The following CAMTA2 variants were observed in gnomAD, a reference collection of about 807,000 sequenced individuals.
CAMTA2 encodes the protein calmodulin-binding transcription activator 2.
A neutral mutation model predicts 135.7 loss-of-function variants in CAMTA2; 56 were observed. The observed-to-expected ratio is 0.41, with a 90% CI of 0.33 to 0.52. The LOEUF is 0.52. CAMTA2 is among the 20% of genes least tolerant of loss of function. CAMTA2 has a pLI of 0.16. For synonymous variants in CAMTA2, 591 were observed against 604.6 expected, an observed-to-expected ratio of 0.98 and a Z score of 0.33; for missense variants, 1,358 against 1,553.4, an observed-to-expected ratio of 0.87 and a Z score of 2.11.
intron 14 of CAMTA2, 42 bp from the exon 15 acceptor site, chr17:4,973,033 G>A (rs766938815): frequency 1.3e-6 from 2 of 1,549,662 alleles, no homozygotes; most frequent in African/African-American, 1.4e-5. Flanking sequence ...AGGTGGAGGT[G>A]AGGCCAGGGG....
chr17:4,972,875 G>A lies in CAMTA2; in HGVS notation c.2397C>T (p.Ser799=). 6.2e-7 allele frequency: 1 copy of A among 1,613,880 alleles called. No homozygotes were observed. Among genetic ancestry groups the A allele is most frequent in the Middle Eastern group, 1.6e-4 (1 of 6,062 alleles). ...AGCGGGCAAGGCGCACATGACCCCG[G>A]GAATGAGCCACAGACAATGGCAGAC... ...LGRLPLSVAH[S]RGHVRLARCL... Residue 799 remains serine (S), a synonymous_variant, in exon 15 of 23, where the codon TCC becomes TCT. Transcript: ENST00000348066.
rs747695617 is a variant in CAMTA2 at position 4,979,720 on chromosome 17, G to A, written c.1602C>T (p.Thr534=). ...PTPQLSPALS[T]ITDFSPEWSY... ...ACCACTCTGGGGAGAAGTCTGTGAT[G>A]GTGCTAAGAGCAGGAGACAGCTGGG... The change falls in exon 9 of 23, where the codon ACC becomes ACT. Residue 534 remains threonine (T), a synonymous_variant. Coordinates refer to ENST00000348066, the MANE Select transcript of CAMTA2 (RefSeq NM_015099.4). The A allele has an allele frequency of 3.8e-5, 61 of 1,613,860 alleles. No individual in the cohort carries two copies. The highest frequency in any genetic ancestry group is 5.1e-5 in the Non-Finnish European group (60 of 1,179,920).
intron 15 of CAMTA2, 96 bp from the exon 16 acceptor site, chr17:4,972,632 G>A (rs1046120504): frequency 2.7e-6 from 4 of 1,466,318 alleles, no homozygotes; most frequent in Non-Finnish European, 3.8e-6. Context: ...GTCCCCGTCT[G>A]TTCTTGCTTC....
rs753793527 is a variant in CAMTA2, at chr17:4,981,273, T to G, written c.652A>C (p.Thr218Pro). 35 of 1,613,896 alleles carry G rather than the reference T, an allele frequency of 2.2e-5. No individual in the cohort carries two copies. In the African/African-American group the frequency reaches 3.1e-4, roughly 14 times the overall value. Residue 218 changes from threonine (T) to proline (P), a missense_variant, in exon 8 of 23, where the codon ACC (threonine) becomes CCC (proline). By Grantham distance (38) the Thr-to-Pro change is conservative. Transcript: ENST00000348066. Reference sequence around the variant, plus strand: ...GCGTGGGTTCGGGGAGCAGGCTTGGTTGGGTGGGTGTCCAAAATCTGCTGC... The same window carrying G: ...GCGTGGGTTCGGGGAGCAGGCTTGGGTGGGTGGGTGTCCAAAATCTGCTGC... The part of the protein sequence containing the change: ...LVQQILDTHP[T>P]KPAPRTHACL...
Position 4,970,478 on chromosome 17 carries a change from C to G in CAMTA2, c.2867G>C (p.Arg956Pro). The G allele has an allele frequency of 6.2e-7, 1 of 1,614,106 alleles. No individual in the cohort carries two copies. The highest frequency in any genetic ancestry group is 8.5e-7 in the Non-Finnish European group (1 of 1,180,048). Residue 956 changes from arginine (R) to proline (P), a missense_variant, in exon 17 of 23, where the codon CGA becomes CCA. By Grantham distance (103) the Arg-to-Pro change is moderately radical. This residue lies in a region of CAMTA2 where 1,077 missense variants were observed against 1,127.5 expected (regional missense o/e 0.96). Transcript: ENST00000348066. ...IIEATPERIK[R>P]EDFVGLPEAG... Reference sequence around the variant, plus strand: ...CTCGGGCAGCCCCACGAAGTCCTCTCGTTTAATCCGCTCCGGTGTGGCTTC... The same window carrying G: ...CTCGGGCAGCCCCACGAAGTCCTCTGGTTTAATCCGCTCCGGTGTGGCTTC...
rs1280117030 is a variant in CAMTA2 at position 4,970,775 on chromosome 17, C to G, written c.2809-239G>C. Among the ~76,000 whole-genome samples the G allele has an allele frequency of 7.2e-5, 11 of 152,344 alleles. No homozygotes were observed. The South Asian group carries it at 1.9e-3, about 26-fold the overall frequency. ...AGATACTCCAAGTGGGGATTCAAAG[C>G]TGAACAAATGGAGGACTTGACACCC... is the stretch of plus-strand genomic sequence containing the variant. On this transcript the variant is annotated intron_variant, in intron 16 of 22. Coordinates refer to ENST00000348066, the MANE Select transcript of CAMTA2 (RefSeq NM_015099.4).
rs1443793362 is a variant in CAMTA2 at position 4,969,872 on chromosome 17, G to A, written c.3189+30C>T. On this transcript the variant is annotated intron_variant, in intron 18 of 22. Transcript: ENST00000348066. The surrounding 1 kb of genome is among the most constrained non-coding windows in gnomAD (Gnocchi z 5.6). ...CCAGTCTCCCCTGACTGGAGATTGT[G>A]TAATTCATCCTGAGACCCCTGCCCC... The A allele has an allele frequency of 3.7e-6, 6 of 1,611,444 alleles. No homozygotes were observed. Among genetic ancestry groups the A allele is most frequent in the Non-Finnish European group, 3.4e-6 (4 of 1,178,048 alleles).
Position 4,968,529 on chromosome 17 carries a change from G to A in CAMTA2, c.*227C>T, listed in dbSNP as rs1202327658. 5.0e-6 allele frequency: 3 copies of A among 594,740 alleles called. No homozygotes were observed. Among genetic ancestry groups the A allele is most frequent in the Non-Finnish European group, 9.0e-6 (3 of 332,284 alleles). 36.8% of individuals were successfully genotyped at this position (594,740 alleles called of 1,614,324 possible). A position where few individuals can be genotyped will look rare whatever the true frequency, so the allele number is the denominator to read the frequency against. Reference sequence around the variant, plus strand: ...CACAGCGGAAGATGCAGGTATGTGGGGCGCGGGTTTTCTGGAGCCAGGACC... The same window carrying A: ...CACAGCGGAAGATGCAGGTATGTGGAGCGCGGGTTTTCTGGAGCCAGGACC... On this transcript the variant is annotated 3_prime_UTR_variant, in exon 23 of 23. Coordinates refer to ENST00000348066, the MANE Select transcript of CAMTA2 (RefSeq NM_015099.4).
chr17:4,969,531 G>C lies in CAMTA2; in HGVS notation c.3262-11C>G, dbSNP rs1427217503. ...TGCAATCCAGGTCAGCTTGTGGAGA[G>C]AGAAGGGGAGTTAGGGCTCTGGCAA... On this transcript the variant is annotated splice_polypyrimidine_tract_variant and intron_variant, in intron 19 of 22. Coordinates refer to ENST00000348066, the MANE Select transcript of CAMTA2 (RefSeq NM_015099.4). The surrounding 1 kb of genome is among the most constrained non-coding windows in gnomAD (Gnocchi z 5.6). 2.5e-6 allele frequency: 4 copies of C among 1,614,078 alleles called. No homozygotes were observed. The highest frequency in any genetic ancestry group is 1.1e-5 in the South Asian group (1 of 91,088).
Position 4,973,704 on chromosome 17 carries a change from G to A in CAMTA2, c.2082C>T (p.Arg694=), listed in dbSNP as rs1225353144. The A allele has an allele frequency of 1.2e-6, 2 of 1,614,092 alleles. No individual in the cohort carries two copies. Among genetic ancestry groups the A allele is most frequent in the Non-Finnish European group, 1.7e-6 (2 of 1,180,026 alleles). The change falls in exon 13 of 23, where the codon CGC becomes CGT. Residue 694 remains arginine (R), a synonymous_variant. Coordinates refer to ENST00000348066, the MANE Select transcript of CAMTA2 (RefSeq NM_015099.4). ...VVVLVESMIP[R]STWKGPERLA... is the part of the protein sequence containing the mutation. Reference sequence around the variant, plus strand: ...GACGTTCAGGACCCTTCCAGGTGGAGCGTGGGATCATGCTTTCTACCAAGA... The same window carrying A: ...GACGTTCAGGACCCTTCCAGGTGGAACGTGGGATCATGCTTTCTACCAAGA...
In CAMTA2 at chr17:4,972,787, A is replaced by G. The variant is rs1597734192; in HGVS notation, c.2485T>C (p.Ser829Pro). ...VEPPFALSPPSSSPDTGLSSV... is the reference protein window; with the variant it reads ...VEPPFALSPPPSSPDTGLSSV... ...CCCTCACCAGTGTCTGGGCTGGAGG[A>G]GGGTGGCGATAGGGCAAATGGGGGC... Residue 829 changes from serine (S) to proline (P), a missense_variant, in exon 15 of 23, where the codon TCC becomes CCC. By Grantham distance (74) the Ser-to-Pro change is moderately conservative. This residue lies in a region of CAMTA2 where 1,077 missense variants were observed against 1,127.5 expected (regional missense o/e 0.96). Transcript: ENST00000348066. The G allele has an allele frequency of 6.2e-7, 1 of 1,613,486 alleles. No individual in the cohort carries two copies. Among genetic ancestry groups the G allele is most frequent in the Non-Finnish European group, 8.5e-7 (1 of 1,179,876 alleles).
chr17:4,987,354 G>A (rs1370261822), intron 1 of CAMTA2: 17 of 1,356,034 alleles, frequency 1.3e-5, no homozygotes, highest in Non-Finnish European at 1.5e-5. Context: ...GTGGGCGAGG[G>A]ACAGTGCAGG....
rs1972346909 is a variant in CAMTA2, at chr17:4,972,394, G to A, written c.2646C>T (p.Gly882=). Residue 882 remains glycine, a synonymous_variant, in exon 16 of 23, where the codon GGC becomes GGT. Coordinates refer to ENST00000348066, the MANE Select transcript of CAMTA2 (RefSeq NM_015099.4). ...CTTCTGGGACACCAGAGGAAAGCTG[G>A]CCTGGGGCCATGTCCTCCATAGTCA... ...SEMTMEDMAP[G]QLSSGVPEAP... 1 of 1,614,006 alleles carries A rather than the reference G, an allele frequency of 6.2e-7. No homozygotes were observed. The highest frequency in any genetic ancestry group is 8.5e-7 in the Non-Finnish European group (1 of 1,179,996).
In CAMTA2 at chr17:4,972,933, C is replaced by T. The variant is rs141179219; in HGVS notation, c.2339G>A (p.Arg780Gln). 14 of 1,613,616 alleles carry T rather than the reference C, an allele frequency of 8.7e-6. No individual in the cohort carries two copies. The highest frequency in any genetic ancestry group is 2.2e-5 in the East Asian group (1 of 44,896). ...AGAGTCGGGAATGCTCAGTGCCTGT[C>T]GGTTCCAACGGAAAAGGAGCACAGC... ...EAAVLLFRWN[R>Q]QALSIPDSLG... The change falls in exon 15 of 23, where the codon CGA becomes CAA. Residue 780 changes from arginine (R) to glutamine (Q), a missense_variant. By Grantham distance (43) the Arg-to-Gln change is conservative (BLOSUM62 1). Coordinates refer to ENST00000348066, the MANE Select transcript of CAMTA2 (RefSeq NM_015099.4).
intron 16 of CAMTA2, among the ~76,000 whole-genome samples, chr17:4,971,278 T>TG (rs926237438): frequency 2.0e-5 from 3 of 152,230 alleles, no homozygotes; most frequent in Non-Finnish European, 4.4e-5. Context: ...TCCGTCATCT[T>TG]GGTTCTCCTA....
At chr17:4,981,098 C>A in intron 8 of CAMTA2, 127 bp downstream of exon 8, 1 of 1,223,758 alleles carries the variant, frequency 8.2e-7, no homozygotes. Flanking sequence ...TCTGGCCCAT[C>A]TTTCTGGGAC....
rs773559133 is a variant in CAMTA2 at position 4,972,413 on chromosome 17, A to G, written c.2627T>C (p.Met876Thr). 8 of 1,614,034 alleles carry G rather than the reference A, an allele frequency of 5.0e-6. No individual in the cohort carries two copies. Among genetic ancestry groups the G allele is most frequent in the Middle Eastern group, 1.6e-4 (1 of 6,082 alleles). Residue 876 changes from methionine to threonine, a missense_variant, in exon 16 of 23, where the codon ATG becomes ACG. By Grantham distance (81) the Met-to-Thr change is moderately conservative (BLOSUM62 -1). Coordinates refer to ENST00000348066, the MANE Select transcript of CAMTA2 (RefSeq NM_015099.4). ...AAGCTGGCCTGGGGCCATGTCCTCC[A>G]TAGTCATCTCAGAGGCTGGCAGAGG... is the stretch of plus-strand genomic sequence containing the variant. ...PAPLPASEMT[M>T]EDMAPGQLSS...
In CAMTA2 at chr17:4,968,051, A is replaced by G; in HGVS notation, c.*705T>C. ...ATAAACCAAGCCCATGCACAAGTAG[A>G]AAGTGCCCGTGGAGCCGGCAGGAGG... is the stretch of plus-strand genomic sequence containing the variant. On this transcript the variant is annotated 3_prime_UTR_variant, in exon 23 of 23. Coordinates refer to ENST00000348066, the MANE Select transcript of CAMTA2 (RefSeq NM_015099.4). The G allele has an allele frequency of 1.9e-6, 1 of 532,120 alleles. No individual in the cohort carries two copies. The highest frequency in any genetic ancestry group is 3.4e-6 in the Non-Finnish European group (1 of 297,920). The allele number at this position is 532,120 out of a possible 1,614,324, so 33.0% of individuals were successfully genotyped here. A position where few individuals can be genotyped will look rare whatever the true frequency, so the allele number is the denominator to read the frequency against.
chr17:4,973,627 G>A lies in CAMTA2; in HGVS notation c.2159C>T (p.Ala720Val). 2 of 1,613,806 alleles carry A rather than the reference G, an allele frequency of 1.2e-6. No homozygotes were observed. The highest frequency in any genetic ancestry group is 1.1e-5 in the South Asian group (1 of 91,088). The change falls in exon 13 of 23, where the codon GCC becomes GTC. Residue 720 changes from alanine (A) to valine (V), a missense_variant. Transcript: ENST00000348066. The stretch of plus-strand genomic sequence containing the variant: ...CTCGATGAGGCGGGCATAGCCCTGG[G>A]CAGCAGCCAGGTGCAGAAGGCTCAT... ...RGMSLLHLAA[A>V]QGYARLIETL...
Sources: allele counts gnomAD v4.1 joint callset (sites outside exome capture counted in the v4.1 genomes callset), GRCh38; gene constraint gnomAD v4.1.1; regional missense constraint gnomAD v4.1.1; non-coding constraint Gnocchi (gnomAD v3.1); transcripts MANE v1.5; gene names NCBI Gene and HGNC (gene_info 2026-07-23, HGNC 2026-07-21).